The following CSGALNACT1 variants were observed in gnomAD, a reference collection of about 807,000 sequenced individuals.
CSGALNACT1 encodes chondroitin sulfate N-acetylgalactosaminyltransferase 1.
In CSGALNACT1, 52 loss-of-function variants were observed where a neutral mutation model predicts 51.0. That is an observed-to-expected ratio of 1.02 (90% CI 0.82 to 1.29). The LOEUF is 1.29. CSGALNACT1 is among the 50% of genes most tolerant of loss of function. The pLI, the probability that CSGALNACT1 is intolerant of heterozygous loss-of-function variation, is 0.00. For synonymous variants in CSGALNACT1, 341 were observed against 254.4 expected (o/e 1.34, Z -3.24); for missense variants, 935 against 679.2 (o/e 1.38, Z -4.19).
intron 3 of CSGALNACT1, among the ~76,000 whole-genome samples, chr8:19,555,574 A>G (rs2089512787): frequency 6.6e-6 from 1 of 152,202 alleles, no homozygotes; most frequent in Non-Finnish European, 1.5e-5. Flanking sequence ...AACAAACAAA[A>G]AAACAAGAAC....
chr8:19,548,274 G>A (rs2086974421), intron 3 of CSGALNACT1, among the ~76,000 whole-genome samples: 1 of 152,106 alleles, frequency 6.6e-6, no homozygotes, highest in African/African-American at 2.4e-5. Flanking sequence ...AATAAAGTTA[G>A]ACACTAAAAT....
intron 1 of CSGALNACT1, among the ~76,000 whole-genome samples, chr8:19,740,409 C>T (rs1260886967): frequency 1.3e-5 from 2 of 152,228 alleles, no homozygotes; most frequent in African/African-American, 2.4e-5. Flanking sequence ...AGCACCCCCA[C>T]AACCCTTCCT....
intron 1 of CSGALNACT1, among the ~76,000 whole-genome samples, chr8:19,679,480 T>C (rs1233186563): frequency 1.3e-5 from 2 of 151,808 alleles, no homozygotes; most frequent in African/African-American, 2.4e-5. Flanking sequence ...TAAAATAAAA[T>C]AAAACACAAA....
intron 3 of CSGALNACT1, among the ~76,000 whole-genome samples, chr8:19,555,008 G>C (rs565257767): frequency 1.4e-4 from 21 of 149,170 alleles, no homozygotes; most frequent in African/African-American, 4.9e-4. Context: ...GGGACGCCGA[G>C]CGGGGGTGAA....
At chr8:19,450,370 C>T (rs1427096336) in intron 5 of CSGALNACT1, among the ~76,000 whole-genome samples, 1 of 151,662 alleles carries the variant, frequency 6.6e-6, no homozygotes, top group African/African-American at 2.4e-5. Context: ...TGTGACTGGA[C>T]AAAAAGGAAA....
At chr8:19,709,088 G>A (rs1040573587) in intron 1 of CSGALNACT1, among the ~76,000 whole-genome samples, 2 of 152,056 alleles carry the variant, frequency 1.3e-5, no homozygotes, top group African/African-American at 4.8e-5. Flanking sequence ...TACTCATTTG[G>A]AGATGCTGAG....
intron 6 of CSGALNACT1, among the ~76,000 whole-genome samples, chr8:19,435,199 T>C (rs2153735854): frequency 6.6e-6 from 1 of 152,244 alleles, no homozygotes; most frequent in Middle Eastern, 3.4e-3. Context: ...TCAGTTACAT[T>C]AAAATAACTT....
intron 4 of CSGALNACT1, among the ~76,000 whole-genome samples, chr8:19,467,650 C>A (rs1295629977): frequency 6.6e-6 from 1 of 151,150 alleles, no homozygotes; most frequent in Non-Finnish European, 1.5e-5. Context: ...TAATTTTTTT[C>A]GCATGGCTAA....
chr8:19,592,719 G>A (rs1470506768), intron 2 of CSGALNACT1, among the ~76,000 whole-genome samples: 2 of 152,128 alleles, frequency 1.3e-5, no homozygotes, highest in Admixed American at 6.5e-5. Context: ...GCACCACTGT[G>A]CCACTGCACC....
In CSGALNACT1 at chr8:19,505,402, C is replaced by A. The variant is rs781563755; in HGVS notation, c.433G>T (p.Ala145Ser). The change falls in exon 4 of 10, where the codon GCA becomes TCA. Residue 145 changes from alanine (A) to serine (S), a missense_variant. Ala to Ser is a moderately conservative substitution (Grantham distance 99). Transcript: ENST00000454498. ...AGAGTAAAGCTATCGAAAGGCACTG[C>A]TGCATACTCTGTGGCCAGCTTGACG... is the stretch of plus-strand genomic sequence containing the variant. 4.3e-6 allele frequency: 7 copies of A among 1,614,238 alleles called. No homozygotes were observed. The East Asian group carries it at 1.6e-4, about 36-fold the overall frequency.
chr8:19,535,513 T>G (rs1587982563), intron 3 of CSGALNACT1, among the ~76,000 whole-genome samples: 1 of 152,202 alleles, frequency 6.6e-6, no homozygotes, highest in Admixed American at 6.5e-5. Flanking sequence ...AAACTAGTTC[T>G]CAAAATCACT....
intron 3 of CSGALNACT1, among the ~76,000 whole-genome samples, chr8:19,532,185 A>G (rs550322342): frequency 1.3e-5 from 2 of 149,976 alleles, no homozygotes; most frequent in South Asian, 2.1e-4. Flanking sequence ...AAAAAAAAAC[A>G]TGTTTGTTTG....
chr8:19,630,035 A>G (rs1320367089), intron 1 of CSGALNACT1, among the ~76,000 whole-genome samples: 1 of 152,120 alleles, frequency 6.6e-6, no homozygotes, highest in Non-Finnish European at 1.5e-5. Context: ...GTGTAGCCCC[A>G]TGGATGCTAT....
At position 19,670,809 on chromosome 8, in the gene CSGALNACT1, T is replaced by C. The variant is rs538449955; in HGVS notation, c.-544+11664A>G. Among the ~76,000 whole-genome samples the C allele has an allele frequency of 3.3e-5, 5 of 152,338 alleles. No individual in the cohort carries two copies. In the South Asian group the frequency reaches 1.0e-3, roughly 32 times the overall value. On this transcript the variant is annotated intron_variant, in intron 1 of 9. Transcript: ENST00000332246. Reference sequence around the variant, plus strand: ...TAAAATAGATTGAGCCAGATTCTACTTGGCTTCCGGCACAAGTAGCTTTTG... The same window carrying C: ...TAAAATAGATTGAGCCAGATTCTACCTGGCTTCCGGCACAAGTAGCTTTTG...
chr8:19,479,360 T>C (rs1307885950), intron 4 of CSGALNACT1, among the ~76,000 whole-genome samples: 1 of 152,222 alleles, frequency 6.6e-6, no homozygotes, highest in Non-Finnish European at 1.5e-5. Context: ...CATTAAGGAC[T>C]CTATCCATGG....
At chr8:19,695,858 T>C (rs539703581) in intron 1 of CSGALNACT1, among the ~76,000 whole-genome samples, 1 of 152,084 alleles carries the variant, frequency 6.6e-6, no homozygotes, top group East Asian at 1.9e-4. Context: ...CAAACAACAT[T>C]GGAGGAAGAA....
At chr8:19,742,755 G>A (rs1196187694) in intron 1 of CSGALNACT1, among the ~76,000 whole-genome samples, 1 of 152,156 alleles carries the variant, frequency 6.6e-6, no homozygotes, top group African/African-American at 2.4e-5. Context: ...TAACCTACAG[G>A]CCAAAATACA....
At chr8:19,648,296 A>G (rs757589289) in intron 1 of CSGALNACT1, among the ~76,000 whole-genome samples, 6 of 152,188 alleles carry the variant, frequency 3.9e-5, no homozygotes, top group Non-Finnish European at 8.8e-5. Context: ...ACAAAACTGC[A>G]TTTTAAACAT....
At chr8:19,593,272 T>C (rs980020836) in intron 2 of CSGALNACT1, among the ~76,000 whole-genome samples, 1 of 152,212 alleles carries the variant, frequency 6.6e-6, no homozygotes, top group Non-Finnish European at 1.5e-5. Context: ...CTGAAGACTG[T>C]GCACTAAGTG....
Sources: allele counts gnomAD v4.1 joint callset (sites outside exome capture counted in the v4.1 genomes callset), GRCh38; gene constraint gnomAD v4.1.1; transcripts MANE v1.5; gene names NCBI Gene and HGNC (gene_info 2026-07-23, HGNC 2026-07-21).